MTARC1: variants seen among roughly 807,000 people sequenced by gnomAD.
The protein encoded by MTARC1 is mitochondrial amidoxime reducing component 1, also known as mitochondrial amidoxime-reducing component 1.
In MTARC1, 24 loss-of-function variants were observed where a neutral mutation model predicts 33.6. That is an observed-to-expected ratio of 0.72 (90% CI 0.52 to 1.01). MTARC1 has a LOEUF of 1.01. MTARC1 is among the 50% of genes least tolerant of loss of function. The pLI, the probability that MTARC1 is intolerant of heterozygous loss-of-function variation, is 0.00. For missense variants in MTARC1, 417 were observed against 445.7 expected, an observed-to-expected ratio of 0.94 and a Z score of 0.58; for synonymous variants, 187 against 189.5, an observed-to-expected ratio of 0.99 and a Z score of 0.11.
At chr1:220,788,515 G>A (rs1253908147) in intron 1 of MTARC1, among the ~76,000 whole-genome samples, 1 of 152,144 alleles carries the variant, frequency 6.6e-6, no homozygotes, top group Non-Finnish European at 1.5e-5. Flanking sequence ...TGGGCCAGGC[G>A]CGGTGGCTCA....
chr1:220,787,412 C>A (rs1672269762), intron 1 of MTARC1, among the ~76,000 whole-genome samples, 193 bp downstream of exon 1: 1 of 152,176 alleles, frequency 6.6e-6, no homozygotes, highest in Admixed American at 6.5e-5. Flanking sequence ...CCCCAGGGCT[C>A]TGGGACTCTG....
chr1:220,808,409 C>T (rs1318064175), intron 6 of MTARC1, among the ~76,000 whole-genome samples: 2 of 152,236 alleles, frequency 1.3e-5, no homozygotes, highest in Non-Finnish European at 2.9e-5. Context: ...TAGGTGTCTT[C>T]TCCTATCTCT....
At chr1:220,812,086 G>A (rs1673149357) in intron 6 of MTARC1, among the ~76,000 whole-genome samples, 1 of 152,216 alleles carries the variant, frequency 6.6e-6, no homozygotes, top group South Asian at 2.1e-4. Context: ...GAGATGTGGT[G>A]TTTGATTTGG....
At chr1:220,799,054 G>A in intron 4 of MTARC1, 2 of 985,414 alleles carry the variant, frequency 2.0e-6, no homozygotes, top group Non-Finnish European at 2.4e-6. Flanking sequence ...TACCTTGCCT[G>A]AACAATGAGA....
At chr1:220,802,622 G>A (rs1324736081) in intron 4 of MTARC1, among the ~76,000 whole-genome samples, 2 of 152,208 alleles carry the variant, frequency 1.3e-5, no homozygotes, top group Non-Finnish European at 2.9e-5. Context: ...ATGAGCCACT[G>A]CGCCTGGCCC....
At position 220,805,156 on chromosome 1, in the gene MTARC1, G is replaced by A. The variant is rs113280425; in HGVS notation, c.815+43G>A. 370 of 1,614,036 alleles carry A rather than the reference G, an allele frequency of 2.3e-4. 1 individual carries two copies. In the Middle Eastern group the frequency reaches 4.6e-3, roughly 20 times the overall value. ...CCCTGTGGGGTGGAGGTGGGGATAA[G>A]TTCGCTCTGCTCTGTCCCCCTTATG... On this transcript the variant is annotated intron_variant, in intron 5 of 6. Transcript: ENST00000366910.
At chr1:220,807,386 C>A (rs182875765) in intron 6 of MTARC1, among the ~76,000 whole-genome samples, 1 of 152,282 alleles carries the variant, frequency 6.6e-6, no homozygotes, top group Admixed American at 6.5e-5. Context: ...AGTTCGAGAC[C>A]AGCCTGGCCA....
At chr1:220,809,491 C>T (rs189142880) in intron 6 of MTARC1, among the ~76,000 whole-genome samples, 2 of 150,136 alleles carry the variant, frequency 1.3e-5, no homozygotes, top group East Asian at 3.9e-4. Flanking sequence ...TCTAATTCTT[C>T]AATTTAATTT....
chr1:220,794,280 T>C (rs1232513827), intron 2 of MTARC1: 3 of 151,146 alleles, frequency 2.0e-5, no homozygotes, highest in Non-Finnish European at 1.5e-5. Context: ...TTTTTTTTTT[T>C]TTTCTCATAG....
At chr1:220,798,994 C>G (rs1672705719) in intron 4 of MTARC1, 1 of 985,368 alleles carries the variant, frequency 1.0e-6, no homozygotes, top group Non-Finnish European at 1.2e-6. Flanking sequence ...CTGGTTTCAG[C>G]TTCTGCACTG....
At chr1:220,805,589 G>A (rs573798834) in intron 6 of MTARC1, among the ~76,000 whole-genome samples, 1 of 152,170 alleles carries the variant, frequency 6.6e-6, no homozygotes, top group Admixed American at 6.5e-5. Flanking sequence ...AAATGTACTA[G>A]GTGTCCTAAT....
chr1:220,795,674 A>G (rs966223762), intron 2 of MTARC1, among the ~76,000 whole-genome samples: 1 of 152,202 alleles, frequency 6.6e-6, no homozygotes, highest in Non-Finnish European at 1.5e-5. Flanking sequence ...TACAAACTTT[A>G]TATGGCTACC....
At chr1:220,802,052 G>A (rs1033083520) in intron 4 of MTARC1, among the ~76,000 whole-genome samples, 1 of 152,084 alleles carries the variant, frequency 6.6e-6, no homozygotes, top group South Asian at 2.1e-4. Context: ...TTACTGAAAC[G>A]TTTCTCCTTT....
At chr1:220,808,063 C>A (rs1673022769) in intron 6 of MTARC1, among the ~76,000 whole-genome samples, 1 of 152,170 alleles carries the variant, frequency 6.6e-6, no homozygotes, top group African/African-American at 2.4e-5. Context: ...GGCTGTCATC[C>A]TTTTTTGTCC....
chr1:220,813,627 G>A lies in MTARC1; in HGVS notation c.*209G>A. The A allele has an allele frequency of 1.8e-6, 1 of 553,964 alleles. No individual in the cohort carries two copies. 34.3% of individuals were successfully genotyped at this position (553,964 alleles called of 1,614,324 possible). A position where few individuals can be genotyped will look rare whatever the true frequency, so the allele number is the denominator to read the frequency against. ...GAAATATAGTCTCAATAACTTAGTA[G>A]GACTTCAGTAAGTCACTTAAATGAC... On this transcript the variant is annotated 3_prime_UTR_variant, in exon 7 of 7. Coordinates refer to ENST00000366910, the MANE Select transcript of MTARC1 (RefSeq NM_022746.4).
At chr1:220,798,184 G>A (rs774597503) in intron 4 of MTARC1, 170 bp downstream of exon 4, 436 of 1,554,644 alleles carry the variant, frequency 2.8e-4, no homozygotes, top group Non-Finnish European at 2.5e-4. Context: ...GCAGACTTCT[G>A]TGTGGAGGAT....
intron 4 of MTARC1, among the ~76,000 whole-genome samples, chr1:220,802,485 C>G (rs1672843181): frequency 6.6e-6 from 1 of 152,206 alleles, no homozygotes; most frequent in Non-Finnish European, 1.5e-5. Flanking sequence ...GCAGACGCCA[C>G]CATGCCTGGC....
chr1:220,813,153 C>T lies in MTARC1; in HGVS notation c.888-139C>T, dbSNP rs146116880. The T allele has an allele frequency of 1.2e-4, 135 of 1,124,678 alleles. No homozygotes were observed. In the African/African-American group the frequency reaches 1.7e-3, roughly 14 times the overall value. The allele number at this position is 1,124,678 out of a possible 1,614,324, so 69.7% of individuals were successfully genotyped here. A position where few individuals can be genotyped will look rare whatever the true frequency, so the allele number is the denominator to read the frequency against. ...CTGTTCACTGCCCCACTCCAGGAGG[C>T]GCTGTTCTGTTGAGCTTTGACGGGA... On this transcript the variant is annotated intron_variant, in intron 6 of 6. Transcript: ENST00000366910.
intron 4 of MTARC1, among the ~76,000 whole-genome samples, chr1:220,804,594 G>T (rs1311597350): frequency 6.6e-6 from 1 of 152,136 alleles, no homozygotes; most frequent in Non-Finnish European, 1.5e-5. Flanking sequence ...GGCTAGGGGA[G>T]ACATGCACAT....
Sources: allele counts gnomAD v4.1 joint callset (sites outside exome capture counted in the v4.1 genomes callset), GRCh38; gene constraint gnomAD v4.1.1; transcripts MANE v1.5; gene names NCBI Gene and HGNC (gene_info 2026-07-23, HGNC 2026-07-21).